CHRDL2: variants seen among roughly 807,000 people sequenced by gnomAD.
The protein encoded by CHRDL2 is chordin-like protein 2.
In CHRDL2, 41 loss-of-function variants were observed where a neutral mutation model predicts 54.3. The ratio of observed to expected loss-of-function variants is 0.76; its 90% CI spans 0.59 to 0.98. CHRDL2 has a LOEUF of 0.98. Ranked by LOEUF, CHRDL2 falls within the 50% of genes least tolerant of loss-of-function variation. The pLI is 0.00. For missense variants in CHRDL2, 518 were observed against 562.4 expected (o/e 0.92, Z 0.80); for synonymous variants, 220 against 224.3 (o/e 0.98, Z 0.17).
chr11:74,720,215 A>G (rs1346571402), intron 1 of CHRDL2: 2 of 152,522 alleles, frequency 1.3e-5, no homozygotes, highest in African/African-American at 4.8e-5. Flanking sequence ...TACCCAGTCC[A>G]GTTTCTGACC....
At chr11:74,730,330 C>G (rs2034632180) in intron 1 of CHRDL2, among the ~76,000 whole-genome samples, 1 of 152,186 alleles carries the variant, frequency 6.6e-6, no homozygotes, top group African/African-American at 2.4e-5. Context: ...CCTAAGTTTT[C>G]TCATCTGTAA....
chr11:74,718,723 T>G lies in CHRDL2; in HGVS notation c.192A>C (p.Ser64=), dbSNP rs2034426646. 1.2e-6 allele frequency: 2 copies of G among 1,609,440 alleles called. No homozygotes were observed. The change falls in exon 2 of 11, where the codon TCA becomes TCC. Residue 64 remains serine, a synonymous_variant. Transcript: ENST00000376332. ...GLMYCLRCTC[S]EGAHVSCYRL... ...TCAGGTGGCCAGAGGAACCTACCTC[T>G]GAGCAGGTACAGCGCAGGCAGTACA...
At chr11:74,700,390 A>G (rs2033760527) in intron 9 of CHRDL2, among the ~76,000 whole-genome samples, 2 of 151,946 alleles carry the variant, frequency 1.3e-5, no homozygotes, top group African/African-American at 4.8e-5. Flanking sequence ...TTTTAGTGAC[A>G]CTATCTGTTC....
At chr11:74,707,509 C>A (rs763850231) in intron 5 of CHRDL2, among the ~76,000 whole-genome samples, 1 of 152,188 alleles carries the variant, frequency 6.6e-6, no homozygotes, top group Non-Finnish European at 1.5e-5. Flanking sequence ...GAGGTTCTAC[C>A]TGGGTTCTGT....
Position 74,706,490 on chromosome 11 carries a change from C to A in CHRDL2, c.579G>T (p.Gly193=), listed in dbSNP as rs139257885. The change falls in exon 6 of 11, where the codon GGG becomes GGT. Residue 193 remains glycine, a synonymous_variant. Coordinates refer to ENST00000376332, the MANE Select transcript of CHRDL2 (RefSeq NM_001278473.3). ...DEEDSVQSLH[G]VRHPQDPCSS... The stretch of plus-strand genomic sequence containing the variant: ...GTCAATAAGGCCGTGCACTCACCAC[C>A]CCATGGAGCGACTGCACACTGTCCT... 396 of 1,614,000 alleles carry A rather than the reference C, an allele frequency of 2.5e-4. 2 individuals are homozygous for A. In the African/African-American group the frequency reaches 4.7e-3, roughly 19 times the overall value.
intron 2 of CHRDL2, among the ~76,000 whole-genome samples, chr11:74,716,646 C>T (rs1354246817): frequency 1.3e-5 from 2 of 151,022 alleles, no homozygotes; most frequent in Non-Finnish European, 2.9e-5. Flanking sequence ...CAATGAAAAG[C>T]TATTAGAGGT....
intron 9 of CHRDL2, chr11:74,698,149 T>G (rs2033666308): frequency 6.6e-6 from 1 of 151,810 alleles, no homozygotes; most frequent in Non-Finnish European, 1.5e-5. Flanking sequence ...CTGCAACTTC[T>G]GCCTCCCGGG....
chr11:74,728,142 G>A (rs944183430), intron 1 of CHRDL2, among the ~76,000 whole-genome samples: 2 of 152,200 alleles, frequency 1.3e-5, no homozygotes, highest in African/African-American at 2.4e-5. Context: ...TAGAACCAAA[G>A]AGAGAATACT....
At chr11:74,726,544 C>A (rs1481009745) in intron 1 of CHRDL2, among the ~76,000 whole-genome samples, 1 of 152,156 alleles carries the variant, frequency 6.6e-6, no homozygotes, top group African/African-American at 2.4e-5. Context: ...CTCTGTACTA[C>A]ACCTCCCAGG....
intron 1 of CHRDL2, among the ~76,000 whole-genome samples, chr11:74,729,572 A>G (rs1009206054): frequency 2.1e-4 from 32 of 152,246 alleles, no homozygotes; most frequent in African/African-American, 7.7e-4. Context: ...AGAGACACTC[A>G]GCCTGCTCTC....
At chr11:74,706,105 C>A (rs2034001549) in intron 6 of CHRDL2, among the ~76,000 whole-genome samples, 1 of 152,100 alleles carries the variant, frequency 6.6e-6, no homozygotes, top group Non-Finnish European at 1.5e-5. Context: ...GCCAGTACCT[C>A]AGGAACTGGG....
At chr11:74,714,699 G>A (rs2034294789) in intron 2 of CHRDL2, among the ~76,000 whole-genome samples, 1 of 152,228 alleles carries the variant, frequency 6.6e-6, no homozygotes, top group Non-Finnish European at 1.5e-5. Context: ...AATGTCTAGA[G>A]GATAAACCAG....
chr11:74,706,177 G>A (rs2034003267), intron 6 of CHRDL2, among the ~76,000 whole-genome samples: 1 of 152,100 alleles, frequency 6.6e-6, no homozygotes, highest in Admixed American at 6.5e-5. Context: ...GAATTAAGGG[G>A]AGACACAGGC....
At chr11:74,704,002 C>T (rs538146385) in intron 7 of CHRDL2, among the ~76,000 whole-genome samples, 80 of 152,354 alleles carry the variant, frequency 5.3e-4, no homozygotes, top group African/African-American at 1.9e-3. Context: ...GCCACCTTCT[C>T]TACTTCATCC....
chr11:74,710,185 C>G (rs369285240), intron 4 of CHRDL2, among the ~76,000 whole-genome samples: 1 of 149,942 alleles, frequency 6.7e-6, no homozygotes, highest in Non-Finnish European at 1.5e-5. Context: ...CACTACACTC[C>G]GGCCTGGGTG....
intron 9 of CHRDL2, chr11:74,698,286 C>CTGGTCT (rs11282458): frequency 0.92 from 136,605 of 148,144 alleles, 63,233 homozygotes; most frequent in African/African-American, 0.96. Flanking sequence ...GTAAGCCATG[C>CTGGTCT]TAAACTCCTG....
chr11:74,717,006 A>C (rs1466284687), intron 2 of CHRDL2, among the ~76,000 whole-genome samples: 1 of 152,050 alleles, frequency 6.6e-6, no homozygotes, highest in African/African-American at 2.4e-5. Flanking sequence ...AGGTGGGAGG[A>C]TTGTCTGAGC....
Position 74,704,494 on chromosome 11 carries a change from T to G in CHRDL2, c.743A>C (p.His248Pro). The change falls in exon 7 of 11, where the codon CAT becomes CCT. Residue 248 changes from histidine to proline, a missense_variant. Coordinates refer to ENST00000376332, the MANE Select transcript of CHRDL2 (RefSeq NM_001278473.3). ...GAGGGTCCAGTCCCCACCTTTCTTATGTTTCTCCTTCAGGACGATCTTGAC... is the reference window on the plus strand; with the variant it reads ...GAGGGTCCAGTCCCCACCTTTCTTAGGTTTCTCCTTCAGGACGATCTTGAC... ...TTVKIVLKEK[H>P]KKACVHGGKT... The G allele has an allele frequency of 6.3e-7, 1 of 1,584,574 alleles. No individual in the cohort carries two copies. The highest frequency in any genetic ancestry group is 8.5e-7 in the Non-Finnish European group (1 of 1,169,882).
intron 6 of CHRDL2, 58 bp from the exon 7 acceptor site, chr11:74,704,712 GC>G: frequency 6.5e-7 from 1 of 1,545,818 alleles, no homozygotes; most frequent in Middle Eastern, 1.7e-4. Flanking sequence ...CCCAGCTGGA[GC>G]CAGAACAGCA....
Sources: allele counts gnomAD v4.1 joint callset (sites outside exome capture counted in the v4.1 genomes callset), GRCh38; gene constraint gnomAD v4.1.1; transcripts MANE v1.5; gene names NCBI Gene and HGNC (gene_info 2026-07-23, HGNC 2026-07-21).